The following EEIG1 variants were observed in gnomAD, a reference collection of about 807,000 sequenced individuals.
EEIG1 encodes early estrogen-induced gene 1 protein.
the EEIG1 span, chr9:127,944,669 A>G: frequency 6.2e-7 from 1 of 1,612,896 alleles, no homozygotes; most frequent in Non-Finnish European, 8.5e-7. Context: ...GCTCACGAAC[A>G]GCCGGAGGTT....
chr9:127,947,413 C>T, the EEIG1 span, among the ~76,000 whole-genome samples: 8 of 152,156 alleles, frequency 5.3e-5, no homozygotes, highest in South Asian at 4.2e-4. Context: ...TCCAGCCTAG[C>T]GACAGAGCAA....
the EEIG1 span, chr9:127,945,745 C>A: frequency 6.4e-7 from 1 of 1,563,104 alleles, no homozygotes; most frequent in East Asian, 2.4e-5. This position sits in a 1 kb window ranked among gnomAD's most constrained non-coding sequence, Gnocchi z 6.5. Context: ...TCGGGTTCCT[C>A]TGGCAGCCCT....
chr9:127,977,634 A>C, the EEIG1 span, among the ~76,000 whole-genome samples: 5 of 152,192 alleles, frequency 3.3e-5, no homozygotes, highest in Admixed American at 6.5e-5. Flanking sequence ...CTGCTGCGGC[A>C]GTGTGCCTGG....
chr9:127,946,816 G>A, the EEIG1 span, among the ~76,000 whole-genome samples: 1 of 152,194 alleles, frequency 6.6e-6, no homozygotes, highest in Non-Finnish European at 1.5e-5. Flanking sequence ...GTTCCCAGAG[G>A]CAGAATCACT....
the EEIG1 span, chr9:127,954,043 C>T: frequency 1.5e-5 from 17 of 1,164,200 alleles, no homozygotes; most frequent in Middle Eastern, 2.0e-4. Flanking sequence ...GCTCCACTTT[C>T]ACTCTGTGTC....
the EEIG1 span, among the ~76,000 whole-genome samples, chr9:127,948,759 G>C: frequency 6.6e-6 from 1 of 152,170 alleles, no homozygotes; most frequent in Non-Finnish European, 1.5e-5. Context: ...CACTCACCCC[G>C]GCCCTGTGTA....
chr9:127,948,101 G>A, the EEIG1 span: 2 of 1,612,808 alleles, frequency 1.2e-6, no homozygotes, highest in East Asian at 2.2e-5. Context: ...CGAGCCTTGG[G>A]GGGCCGGGAC....
chr9:127,977,647 G>A, the EEIG1 span, among the ~76,000 whole-genome samples: 1,584 of 152,292 alleles, frequency 0.01, 26 homozygotes, highest in African/African-American at 0.035. Context: ...GTGCCTGGGC[G>A]AGACATAACA....
chr9:127,965,222 G>A, the EEIG1 span, among the ~76,000 whole-genome samples: 21 of 148,620 alleles, frequency 1.4e-4, no homozygotes, highest in Admixed American at 9.4e-4. Context: ...CACAGACTCC[G>A]CAGGACAGGG....
chr9:127,941,911 T>C, the EEIG1 span: 1 of 152,322 alleles, frequency 6.6e-6, no homozygotes, highest in Non-Finnish European at 1.5e-5. Flanking sequence ...GCTGGGTTTA[T>C]ACAAAATGAG....
chr9:127,943,453 G>A, the EEIG1 span: 7 of 586,108 alleles, frequency 1.2e-5, no homozygotes, highest in Admixed American at 8.8e-5. Flanking sequence ...GAGCCCTTCC[G>A]GGCACATCTG....
the EEIG1 span, among the ~76,000 whole-genome samples, chr9:127,972,976 C>A: frequency 2.6e-5 from 4 of 152,136 alleles, no homozygotes; most frequent in African/African-American, 9.7e-5. This position sits in a 1 kb window ranked among gnomAD's most constrained non-coding sequence, Gnocchi z 4.3. Flanking sequence ...CTGGAGTCCC[C>A]ATAATCCAAA....
At chr9:127,968,188 C>G in the EEIG1 span, among the ~76,000 whole-genome samples, 1 of 151,998 alleles carries the variant, frequency 6.6e-6, no homozygotes, top group African/African-American at 2.4e-5. Flanking sequence ...CTGAGCCACT[C>G]CTGGCTGACT....
At chr9:127,967,977 C>CTT in the EEIG1 span, among the ~76,000 whole-genome samples, 18 of 99,234 alleles carry the variant, frequency 1.8e-4, no homozygotes, top group African/African-American at 5.2e-4. Context: ...TTCCCCAGGT[C>CTT]TTTTTTTTTT....
the EEIG1 span, among the ~76,000 whole-genome samples, chr9:127,979,566 C>T: frequency 6.6e-6 from 1 of 152,226 alleles, no homozygotes; most frequent in African/African-American, 2.4e-5. Flanking sequence ...TGCCTGCGAT[C>T]GGGCCTTCCC....
At chr9:127,945,324 G>T in the EEIG1 span, 1 of 1,448,984 alleles carries the variant, frequency 6.9e-7, no homozygotes, top group South Asian at 1.3e-5. The surrounding 1 kb of genome is among the most constrained non-coding windows in gnomAD (Gnocchi z 6.5). Context: ...GGCACCACCG[G>T]GAGAGGTCTG....
the EEIG1 span, chr9:127,942,309 C>T: frequency 3.9e-5 from 6 of 152,516 alleles, no homozygotes; most frequent in South Asian, 2.1e-4. Flanking sequence ...AGGGCACGGT[C>T]GGTGCTCAGA....
At chr9:127,962,335 A>G in the EEIG1 span, among the ~76,000 whole-genome samples, 1 of 152,258 alleles carries the variant, frequency 6.6e-6, no homozygotes. Context: ...GAAGATGGGC[A>G]TGGTGCCCCT....
chr9:127,947,149 T>G, the EEIG1 span, among the ~76,000 whole-genome samples: 1 of 151,100 alleles, frequency 6.6e-6, no homozygotes, highest in African/African-American at 2.4e-5. Flanking sequence ...GGCTCACGCC[T>G]GTAATCCCAG....
Sources: allele counts gnomAD v4.1 joint callset (sites outside exome capture counted in the v4.1 genomes callset), GRCh38; gene constraint gnomAD v4.1.1; non-coding constraint Gnocchi (gnomAD v3.1); transcripts MANE v1.5; gene names NCBI Gene and HGNC (gene_info 2026-07-23, HGNC 2026-07-21).